Variants in DTD1 observed in about 807,000 individuals in gnomAD.
DTD1 encodes D-aminoacyl-tRNA deacylase 1.
A neutral mutation model predicts 25.6 loss-of-function variants in DTD1; 13 were observed. The observed-to-expected ratio is 0.51, with a 90% CI of 0.33 to 0.81. The LOEUF is 0.81. Among genes scored for constraint, DTD1 ranks in the 30% least tolerant of loss-of-function variants. The probability of loss-of-function intolerance (pLI) is 0.02; values close to 1 mark genes in which losing one functional copy is unlikely to be tolerated. For synonymous variants in DTD1, 110 were observed against 103.6 expected, an observed-to-expected ratio of 1.06 and a Z score of -0.37; for missense variants, 193 against 266.4, an observed-to-expected ratio of 0.72 and a Z score of 1.92.
intron 4 of DTD1, among the ~76,000 whole-genome samples, chr20:18,702,287 C>T (rs942008330): frequency 6.6e-6 from 1 of 152,182 alleles, no homozygotes; most frequent in East Asian, 1.9e-4. Flanking sequence ...CCCTTCCCTC[C>T]ATCTCTGTAA....
At chr20:18,682,993 G>A (rs2061003319) in intron 4 of DTD1, among the ~76,000 whole-genome samples, 1 of 152,198 alleles carries the variant, frequency 6.6e-6, no homozygotes, top group South Asian at 2.1e-4. Context: ...TCATTATGAG[G>A]AAAACAGTTT....
At chr20:18,600,858 A>T (rs2060631067) in intron 3 of DTD1, among the ~76,000 whole-genome samples, 1 of 152,070 alleles carries the variant, frequency 6.6e-6, no homozygotes, top group Admixed American at 6.6e-5. Context: ...AGGGGTGCTA[A>T]TGTAAATGGT....
At chr20:18,620,045 C>G (rs1785845128) in intron 3 of DTD1, 2 of 151,980 alleles carry the variant, frequency 1.3e-5, no homozygotes, top group Non-Finnish European at 1.5e-5. Flanking sequence ...GTCTGTCTGT[C>G]TTATCTGTAT....
At chr20:18,663,979 C>T (rs150737641) in intron 4 of DTD1, among the ~76,000 whole-genome samples, 1,790 of 152,260 alleles carry the variant, frequency 0.012, 32 homozygotes, top group African/African-American at 0.04. Context: ...AGATGAGATT[C>T]GGGTGGGGAC....
intron 5 of DTD1, among the ~76,000 whole-genome samples, chr20:18,759,439 C>A (rs200645926): frequency 6.6e-6 from 1 of 152,094 alleles, no homozygotes; most frequent in South Asian, 2.1e-4. Flanking sequence ...TGGTGGTGAC[C>A]AATCTCTCAG....
intron 4 of DTD1, among the ~76,000 whole-genome samples, chr20:18,709,027 A>T (rs1182866754): frequency 6.6e-6 from 1 of 152,206 alleles, no homozygotes; most frequent in Non-Finnish European, 1.5e-5. Flanking sequence ...TTCTGGGGCT[A>T]TCTCTGCCTG....
intron 1 of DTD1, among the ~76,000 whole-genome samples, chr20:18,590,084 T>C (rs1600301922): frequency 6.6e-6 from 1 of 152,240 alleles, no homozygotes; most frequent in Admixed American, 6.5e-5. Flanking sequence ...CTTCCTGTTT[T>C]ATGGTCAGGA....
chr20:18,752,341 T>C (rs1293037600), intron 5 of DTD1, among the ~76,000 whole-genome samples: 2 of 152,148 alleles, frequency 1.3e-5, no homozygotes, highest in African/African-American at 4.8e-5. Flanking sequence ...TCTTTTGCAA[T>C]TGCTCTACAG....
At chr20:18,741,033 T>C (rs1264399127) in intron 4 of DTD1, among the ~76,000 whole-genome samples, 1 of 152,242 alleles carries the variant, frequency 6.6e-6, no homozygotes, top group Non-Finnish European at 1.5e-5. Flanking sequence ...CTTTTTGTCA[T>C]CTTTGCTCCA....
intron 3 of DTD1, among the ~76,000 whole-genome samples, chr20:18,613,457 G>A (rs1423822017): frequency 1.3e-5 from 2 of 152,210 alleles, no homozygotes; most frequent in African/African-American, 4.8e-5. Context: ...TGGGTTGGAA[G>A]GCAGTAGGCA....
At position 18,711,439 on chromosome 20, in the gene DTD1, T is replaced by C. The variant is rs147166650; in HGVS notation, c.478-32661T>C. Among the ~76,000 whole-genome samples the C allele has an allele frequency of 2.4e-3, 372 of 152,306 alleles. 7 individuals carry two copies. The highest frequency in any genetic ancestry group is 0.02 in the Admixed American group (304 of 15,296). ...TGGTCAGATGGAGCTCCCATGGGGC[T>C]TACCTGGCTTGTTGTTTCCTGGCCT... On this transcript the variant is annotated intron_variant, in intron 4 of 5. Transcript: ENST00000377452.
intron 4 of DTD1, among the ~76,000 whole-genome samples, chr20:18,664,981 G>A (rs779557227): frequency 1.4e-4 from 21 of 152,148 alleles, no homozygotes; most frequent in Non-Finnish European, 2.4e-4. Context: ...AGTGTGGGCT[G>A]TCAGAAAAAA....
chr20:18,593,554 A>G (rs555461336), intron 1 of DTD1, among the ~76,000 whole-genome samples, 177 bp from the exon 2 acceptor site: 85 of 152,340 alleles, frequency 5.6e-4, no homozygotes, highest in Admixed American at 1.6e-3. Context: ...ATGGATGGGA[A>G]TTATTATCAT....
chr20:18,747,261 G>A (rs2061303726), intron 5 of DTD1, among the ~76,000 whole-genome samples: 1 of 152,140 alleles, frequency 6.6e-6, no homozygotes, highest in Non-Finnish European at 1.5e-5. Flanking sequence ...CTAACTTTTG[G>A]GTGACAGTGA....
At chr20:18,751,256 CTCT>C (rs2061320560) in intron 5 of DTD1, among the ~76,000 whole-genome samples, 1 of 152,142 alleles carries the variant, frequency 6.6e-6, no homozygotes, top group South Asian at 2.1e-4. Flanking sequence ...CTAGCTGTGT[CTCT>C]GGGTAGTGTT....
intron 4 of DTD1, among the ~76,000 whole-genome samples, chr20:18,664,844 C>G (rs546560725): frequency 6.6e-6 from 1 of 152,132 alleles, no homozygotes. Context: ...TTACCCTTCT[C>G]AGGCATCTAG....
intron 4 of DTD1, among the ~76,000 whole-genome samples, chr20:18,649,326 C>CT (rs55766733): frequency 0.022 from 1,294 of 57,588 alleles, 252 homozygotes; most frequent in African/African-American, 0.059. Context: ...ATTCATCTTT[C>CT]TTTTTTTTTT....
intron 4 of DTD1, among the ~76,000 whole-genome samples, chr20:18,688,185 A>G (rs2061025220): frequency 6.6e-6 from 1 of 152,182 alleles, no homozygotes; most frequent in Non-Finnish European, 1.5e-5. Context: ...TTCATTCACT[A>G]ATCAATTTTT....
In DTD1 at chr20:18,603,001, C is replaced by T. The variant is rs1287266851; in HGVS notation, c.370+6760C>T. On this transcript the variant is annotated intron_variant, in intron 3 of 5. Transcript: ENST00000377452. ...TGGCAAATTGGATAAAGAGTCAAGA[C>T]CCATCAGTGTGCTGTATTCAGGAAA... Among the ~76,000 whole-genome samples, 24 of 96,764 alleles carry T rather than the reference C, an allele frequency of 2.5e-4. 2 individuals carry two copies. The highest frequency in any genetic ancestry group is 3.5e-4 in the Non-Finnish European group (15 of 42,270). The allele number at this position is 96,764 out of a possible 152,430, so 63.5% of individuals were successfully genotyped here. A position where few individuals can be genotyped will look rare whatever the true frequency, so the allele number is the denominator to read the frequency against.
Sources: gnomAD v4.1 joint callset for allele counts (sites outside exome capture counted in the v4.1 genomes callset) on GRCh38, gnomAD v4.1.1 for gene constraint, MANE v1.5 for transcripts, NCBI Gene and HGNC (gene_info 2026-07-23, HGNC 2026-07-21) for gene names.